ARMCX6: variants seen among roughly 807,000 people sequenced by gnomAD.
ARMCX6 encodes the protein armadillo repeat containing X-linked 6, also known as protein ARMCX6.
For synonymous variants in ARMCX6, 85 were observed against 70.3 expected (o/e 1.21, Z -1.05); for missense variants, 194 against 186.0 (o/e 1.04, Z -0.25).
chrX:101,616,865 G>T, intron 2 of ARMCX6, 99 bp from the exon 3 acceptor site: 1 of 433,232 alleles, frequency 2.3e-6, no homozygotes. Flanking sequence ...AGATTAACAG[G>T]ATACAATTTC....
chrX:101,616,977 G>A (rs1029697283), intron 2 of ARMCX6: 2 of 197,353 alleles, frequency 1.0e-5, no homozygotes, highest in Non-Finnish European at 1.8e-5. Context: ...TGCTATGATA[G>A]CTAGGAGGGT....
In ARMCX6 at chrX:101,616,347, C is replaced by G. The variant is rs781823615; in HGVS notation, c.274G>C (p.Gly92Arg). 4 of 1,211,586 alleles carry G rather than the reference C, an allele frequency of 3.3e-6. No homozygotes were observed. The South Asian group carries it at 7.0e-5, about 21-fold the overall frequency. The change falls in exon 3 of 3, where the codon GGC becomes CGC. Residue 92 changes from glycine to arginine, a missense_variant. Physicochemically the swap from Gly to Arg is moderately radical, Grantham distance 125 (BLOSUM62 -2). Transcript: ENST00000361910. ...ATTGGGTGTGCTCGGTTGGCCTTGCCTCCCCCTGAGGGCCTGTCCTCAGTG... is the reference window on the plus strand; with the variant it reads ...ATTGGGTGTGCTCGGTTGGCCTTGCGTCCCCCTGAGGGCCTGTCCTCAGTG... ...GGTEDRPSGGGKANRAHPIKQ... is the reference protein window; with the variant it reads ...GGTEDRPSGGRKANRAHPIKQ...
Position 101,616,526 on chromosome X carries a change from T to A in ARMCX6, c.95A>T (p.Asp32Val). ...YCVYKLTIGR[D>V]DSEKLEEEGE... ...CTCCTCCTCCAGCTTCTCACTGTCA[T>A]CTCTTCCTATGGTCAGTTTGTAAAC... The change falls in exon 3 of 3, where the codon GAT becomes GTT. Residue 32 changes from aspartate (D) to valine (V), a missense_variant. Coordinates refer to ENST00000361910, the MANE Select transcript of ARMCX6 (RefSeq NM_019007.4). 1 of 1,211,979 alleles carries A rather than the reference T, an allele frequency of 8.3e-7. No individual in the cohort carries two copies. Among genetic ancestry groups the A allele is most frequent in the Non-Finnish European group, 1.1e-6 (1 of 895,558 alleles).
In ARMCX6 at chrX:101,616,528, T is replaced by A. The variant is rs782086842; in HGVS notation, c.93A>T (p.Arg31Ser). ...CYCVYKLTIG[R>S]DDSEKLEEEG... ...CCTCCTCCAGCTTCTCACTGTCATC[T>A]CTTCCTATGGTCAGTTTGTAAACGC... The change falls in exon 3 of 3, where the codon AGA (arginine) becomes AGT (serine). Residue 31 changes from arginine (R) to serine (S), a missense_variant. Coordinates refer to ENST00000361910, the MANE Select transcript of ARMCX6 (RefSeq NM_019007.4). 24 of 1,211,975 alleles carry A rather than the reference T, an allele frequency of 2.0e-5. No individual in the cohort carries two copies. The highest frequency in any genetic ancestry group is 2.7e-5 in the Non-Finnish European group (24 of 895,570).
rs1267296458 is a variant in ARMCX6 at position 101,616,147 on chromosome X, G to A, written c.474C>T (p.Ala158=). The change falls in exon 3 of 3, where the codon GCC becomes GCT. Residue 158 remains alanine, a synonymous_variant. Coordinates refer to ENST00000361910, the MANE Select transcript of ARMCX6 (RefSeq NM_019007.4). ...TCGTGTTTCTAGCCATTGAGAGGCT[G>A]GCCAAATGGCTATTGATATCCTGGC... is the stretch of plus-strand genomic sequence containing the variant. ...PFSQDINSHL[A]SLSMARNTSP... The A allele has an allele frequency of 8.3e-7, 1 of 1,201,141 alleles. No individual in the cohort carries two copies. Among genetic ancestry groups the A allele is most frequent in the Admixed American group, 2.2e-5 (1 of 44,929 alleles).
At chrX:101,617,447 C>T (rs1935840096) in intron 2 of ARMCX6, 56 bp downstream of exon 2, 1 of 109,933 alleles carries the variant, frequency 9.1e-6, no homozygotes, top group Admixed American at 9.6e-5. Context: ...TATCCCAGCC[C>T]CCCTCCTCCG....
chrX:101,617,360 C>G (rs1336610365), intron 2 of ARMCX6, 143 bp downstream of exon 2: 2 of 111,834 alleles, frequency 1.8e-5, no homozygotes, highest in Admixed American at 1.9e-4. Context: ...CGCCACACCC[C>G]TTTCCCTGCA....
rs782017701 is a variant in ARMCX6, at chrX:101,616,779, C to G, written c.-146-13G>C. ...TCTTGTGATGAATCTGTGGGTGAAA[C>G]AGAGTATTAGGGCTCGGGACTATGT... On this transcript the variant is annotated splice_polypyrimidine_tract_variant and intron_variant, in intron 2 of 2. Transcript: ENST00000361910. 1.0e-6 allele frequency: 1 copy of G among 1,002,086 alleles called. No individual in the cohort carries two copies. Among genetic ancestry groups the G allele is most frequent in the Non-Finnish European group, 1.3e-6 (1 of 761,555 alleles). 82.6% of individuals were successfully genotyped at this position (1,002,086 alleles called of 1,213,427 possible).
rs782276363 is a variant in ARMCX6 at position 101,616,021 on chromosome X, T to G, written c.600A>C (p.Glu200Asp). 4 of 886,812 alleles carry G rather than the reference T, an allele frequency of 4.5e-6. No homozygotes were observed. The highest frequency in any genetic ancestry group is 6.1e-6 in the Non-Finnish European group (4 of 657,440). 73.1% of individuals were successfully genotyped at this position (886,812 alleles called of 1,213,427 possible). A position where few individuals can be genotyped will look rare whatever the true frequency, so the allele number is the denominator to read the frequency against. Residue 200 changes from glutamate to aspartate, a missense_variant, in exon 3 of 3, where the codon GAA (glutamate) becomes GAC (aspartate). Glu to Asp is a conservative substitution (Grantham distance 45, BLOSUM62 2). Transcript: ENST00000361910. ...AACGTGACACAGTCTCCCGACACAC[T>G]TCATTGATGTACATCTTAATCTGGC... is the stretch of plus-strand genomic sequence containing the variant. ...SQGQIKMYIN[E>D]VCRETVSRCC...
intron 2 of ARMCX6, 161 bp from the exon 3 acceptor site, chrX:101,616,927 C>G (rs1318288665): frequency 3.9e-5 from 11 of 283,063 alleles, no homozygotes; most frequent in South Asian, 1.3e-4. Context: ...GCCCCCATTT[C>G]TCTTCCTGGG....
chrX:101,616,358 G>T lies in ARMCX6; in HGVS notation c.263C>A (p.Pro88His), dbSNP rs377640739. Residue 88 changes from proline (P) to histidine (H), a missense_variant, in exon 3 of 3, where the codon CCC becomes CAC. Physicochemically the swap from Pro to His is moderately conservative, Grantham distance 77. Transcript: ENST00000361910. The stretch of plus-strand genomic sequence containing the variant: ...TCGGTTGGCCTTGCCTCCCCCTGAG[G>T]GCCTGTCCTCAGTGCCACCTGGGGC... ...PGAPGGTEDR[P>H]SGGGKANRAH... 4.1e-6 allele frequency: 5 copies of T among 1,211,226 alleles called. No homozygotes were observed. Among genetic ancestry groups the T allele is most frequent in the Non-Finnish European group, 5.6e-6 (5 of 895,361 alleles).
chrX:101,616,483 G>C lies in ARMCX6; in HGVS notation c.138C>G (p.Asp46Glu), dbSNP rs1935813528. 2 of 1,209,223 alleles carry C rather than the reference G, an allele frequency of 1.7e-6. No individual in the cohort carries two copies. The highest frequency in any genetic ancestry group is 3.5e-5 in the African/African-American group (2 of 56,939). ...KLEEEGEEEWDDDQELDEEEP... is the reference protein window; with the variant it reads ...KLEEEGEEEWEDDQELDEEEP... ...CCTCCTCATCCAGCTCCTGGTCATC[G>C]TCCCACTCCTCTTCCCCCTCCTCCT... is the stretch of plus-strand genomic sequence containing the variant. The change falls in exon 3 of 3, where the codon GAC becomes GAG. Residue 46 changes from aspartate (D) to glutamate (E), a missense_variant. Physicochemically the swap from Asp to Glu is conservative, Grantham distance 45 (BLOSUM62 2). Coordinates refer to ENST00000361910, the MANE Select transcript of ARMCX6 (RefSeq NM_019007.4).
In ARMCX6 at chrX:101,616,506, C is replaced by G. The variant is rs1935814427; in HGVS notation, c.115G>C (p.Glu39Gln). Residue 39 changes from glutamate (E) to glutamine (Q), a missense_variant, in exon 3 of 3, where the codon GAG (glutamate) becomes CAG (glutamine). By Grantham distance (29) the Glu-to-Gln change is conservative. Coordinates refer to ENST00000361910, the MANE Select transcript of ARMCX6 (RefSeq NM_019007.4). Reference protein sequence around the residue: ...IGRDDSEKLEEEGEEEWDDDQ... With the variant: ...IGRDDSEKLEQEGEEEWDDDQ... ...TCGTCCCACTCCTCTTCCCCCTCCT[C>G]CTCCAGCTTCTCACTGTCATCTCTT... 1 of 1,210,231 alleles carries G rather than the reference C, an allele frequency of 8.3e-7. No homozygotes were observed. The highest frequency in any genetic ancestry group is 2.2e-5 in the Admixed American group (1 of 45,865).
intron 1 of ARMCX6, 45 bp from the exon 2 acceptor site, chrX:101,617,629 G>C (rs995528262): frequency 1.8e-5 from 2 of 110,160 alleles, no homozygotes; most frequent in Admixed American, 9.5e-5. Context: ...CTTGGTGGAC[G>C]GACCAGCACC....
chrX:101,617,119 T>C (rs1487787995), intron 2 of ARMCX6: 2 of 115,671 alleles, frequency 1.7e-5, no homozygotes, highest in Non-Finnish European at 3.6e-5. Flanking sequence ...CTGTTGTCAG[T>C]GGTCCCTCCA....
intron 1 of ARMCX6, 112 bp from the exon 2 acceptor site, chrX:101,617,696 C>T (rs1369782298): frequency 9.1e-6 from 1 of 110,213 alleles, no homozygotes; most frequent in Non-Finnish European, 1.9e-5. Context: ...TCACTCCCCT[C>T]ACCCCCACCC....
Position 101,616,408 on chromosome X carries a change from C to A in ARMCX6, c.213G>T (p.Glu71Asp). 8.3e-7 allele frequency: 1 copy of A among 1,211,879 alleles called. No individual in the cohort carries two copies. The highest frequency in any genetic ancestry group is 1.1e-6 in the Non-Finnish European group (1 of 895,517). ...DFETMARPWT[E>D]DGDWTEPGAP... ...CCCCAGGTTCAGTCCAATCCCCATC[C>A]TCAGTCCAGGGCCGAGCCATAGTTT... is the stretch of plus-strand genomic sequence containing the variant. Residue 71 changes from glutamate to aspartate, a missense_variant, in exon 3 of 3, where the codon GAG (glutamate) becomes GAT (aspartate). Glu to Asp is a conservative substitution (Grantham distance 45). Coordinates refer to ENST00000361910, the MANE Select transcript of ARMCX6 (RefSeq NM_019007.4).
chrX:101,617,051 A>C (rs1164170978), intron 2 of ARMCX6: 2 of 129,170 alleles, frequency 1.5e-5, no homozygotes, highest in African/African-American at 6.4e-5. Flanking sequence ...GATTAAGGGC[A>C]GTTTCTCTCA....
At position 101,616,607 on chromosome X, in the gene ARMCX6, C is replaced by G. The variant is rs781962965; in HGVS notation, c.14G>C (p.Arg5Pro). ...TCCTGCCGCCATCCAACCCACTTCCCGAGCCCGGCCCATGCTCAAGTCTGT... is the reference window on the plus strand; with the variant it reads ...TCCTGCCGCCATCCAACCCACTTCCGGAGCCCGGCCCATGCTCAAGTCTGT... MGRA[R>P]EVGWMAAGLM... Residue 5 changes from arginine (R) to proline (P), a missense_variant, in exon 3 of 3, where the codon CGG (arginine) becomes CCG (proline). Physicochemically the swap from Arg to Pro is moderately radical, Grantham distance 103. Transcript: ENST00000361910. The G allele has an allele frequency of 1.4e-4, 171 of 1,206,625 alleles. 6 individuals carry two copies. In the South Asian group the frequency reaches 2.9e-3, roughly 20 times the overall value.
Sources: gnomAD v4.1 joint callset for allele counts on GRCh38, gnomAD v4.1.1 for gene constraint, MANE v1.5 for transcripts, NCBI Gene and HGNC (gene_info 2026-07-23, HGNC 2026-07-21) for gene names.